TSHZ2: variants seen among roughly 807,000 people sequenced by gnomAD.
TSHZ2 encodes teashirt homolog 2.
In TSHZ2, 21 loss-of-function variants were observed where a neutral mutation model predicts 74.4. The ratio of observed to expected loss-of-function variants is 0.28; its 90% CI spans 0.20 to 0.41. The LOEUF is 0.41. Ranked by LOEUF, TSHZ2 falls within the 10% of genes least tolerant of loss-of-function variation. The pLI, the probability that TSHZ2 is intolerant of heterozygous loss-of-function variation, is 1.00. For synonymous variants in TSHZ2, 540 were observed against 515.3 expected (o/e 1.05, Z -0.65); for missense variants, 1,244 against 1,293.5 (o/e 0.96, Z 0.59).
At chr20:53,208,571 C>T (rs1989228153) in intron 1 of TSHZ2, 1 of 152,096 alleles carries the variant, frequency 6.6e-6, no homozygotes. Context: ...TGACTCCCAA[C>T]ACGTACGGAT....
At chr20:53,127,074 G>T (rs983652794) in intron 1 of TSHZ2, among the ~76,000 whole-genome samples, 5 of 152,162 alleles carry the variant, frequency 3.3e-5, no homozygotes, top group African/African-American at 1.2e-4. Flanking sequence ...AAAGAGAGAA[G>T]AGAGAGCGAA....
intron 1 of TSHZ2, among the ~76,000 whole-genome samples, chr20:53,099,350 T>A (rs1207442982): frequency 6.6e-6 from 1 of 152,194 alleles, no homozygotes. Context: ...CCTGTTGCCA[T>A]TCTCTTGTCT....
At chr20:52,978,431 A>G (rs544955249) in intron 1 of TSHZ2, among the ~76,000 whole-genome samples, 5 of 152,218 alleles carry the variant, frequency 3.3e-5, no homozygotes, top group South Asian at 2.1e-4. Context: ...TATACTATCA[A>G]TTTTATTTGG....
chr20:53,280,122 G>A (rs745486296), intron 2 of TSHZ2, among the ~76,000 whole-genome samples: 3 of 152,054 alleles, frequency 2.0e-5, no homozygotes, highest in Non-Finnish European at 2.9e-5. Flanking sequence ...CTGCTCCTGT[G>A]TGCAGGAATG....
chr20:53,272,171 C>G (rs1990854208), intron 2 of TSHZ2, among the ~76,000 whole-genome samples: 2 of 152,146 alleles, frequency 1.3e-5, no homozygotes, highest in Admixed American at 1.3e-4. Flanking sequence ...ACCACCACAC[C>G]TGGCTAATTT....
At chr20:53,168,026 G>T (rs949263214) in intron 1 of TSHZ2, among the ~76,000 whole-genome samples, 5 of 152,188 alleles carry the variant, frequency 3.3e-5, no homozygotes, top group African/African-American at 1.2e-4. Flanking sequence ...TGGGCAACCT[G>T]ATTTGTTGGA....
chr20:53,197,304 T>C (rs1286118798), intron 1 of TSHZ2, among the ~76,000 whole-genome samples: 1 of 152,210 alleles, frequency 6.6e-6, no homozygotes, highest in Non-Finnish European at 1.5e-5. Context: ...GGAATTATGA[T>C]CTTTTAATTT....
rs75663785 is a variant in TSHZ2, at chr20:53,088,167, G to A, written c.40+114834G>A. Reference sequence around the variant, plus strand: ...TCTTACCTGTTTCCTACTGAACAGAGAGCTTCTTGAGGTCCAGCACTGGGG... The same window carrying A: ...TCTTACCTGTTTCCTACTGAACAGAAAGCTTCTTGAGGTCCAGCACTGGGG... On this transcript the variant is annotated intron_variant, in intron 1 of 2. Transcript: ENST00000371497. Among the ~76,000 whole-genome samples, 1,332 of 152,242 alleles carry A rather than the reference G, an allele frequency of 8.7e-3. 19 individuals carry two copies. The highest frequency in any genetic ancestry group is 0.03 in the African/African-American group (1,254 of 41,538).
chr20:53,088,147 C>G (rs757909789), intron 1 of TSHZ2, among the ~76,000 whole-genome samples: 1 of 152,130 alleles, frequency 6.6e-6, no homozygotes, highest in African/African-American at 2.4e-5. Context: ...TGTTTTCTTA[C>G]CTGTTTCCTA....
At chr20:53,296,833 T>C (rs1001625138) in intron 2 of TSHZ2, among the ~76,000 whole-genome samples, 2 of 152,230 alleles carry the variant, frequency 1.3e-5, no homozygotes, top group African/African-American at 4.8e-5. Context: ...GAGACTGAGA[T>C]GAAACCAAGT....
At chr20:53,001,232 G>GTATA (rs769421283) in intron 1 of TSHZ2, among the ~76,000 whole-genome samples, 1 of 135,286 alleles carries the variant, frequency 7.4e-6, no homozygotes, top group African/African-American at 2.8e-5. Context: ...GTGTGTGTGT[G>GTATA]TGTGTGTGTG....
intron 2 of TSHZ2, among the ~76,000 whole-genome samples, chr20:53,472,229 G>A (rs547765552): frequency 6.6e-6 from 1 of 152,350 alleles, no homozygotes; most frequent in East Asian, 1.9e-4. Context: ...ACAGCCCACT[G>A]AGCGAATGCC....
chr20:53,066,130 G>A (rs1289078129), intron 1 of TSHZ2, among the ~76,000 whole-genome samples: 1 of 152,176 alleles, frequency 6.6e-6, no homozygotes, highest in African/African-American at 2.4e-5. Context: ...GTCATGGTGC[G>A]TGTGGAAGAA....
chr20:52,974,327 GATAT>G (rs1981247508), intron 1 of TSHZ2, among the ~76,000 whole-genome samples: 1 of 151,972 alleles, frequency 6.6e-6, no homozygotes, highest in Non-Finnish European at 1.5e-5. Context: ...ATTCATTCTT[GATAT>G]ATATCAATAA....
chr20:53,070,636 A>G (rs1985140325), intron 1 of TSHZ2, among the ~76,000 whole-genome samples: 2 of 152,176 alleles, frequency 1.3e-5, no homozygotes, highest in Admixed American at 6.5e-5. Context: ...AGGCACATAC[A>G]GTGATGTGTG....
intron 2 of TSHZ2, among the ~76,000 whole-genome samples, chr20:53,301,240 G>A (rs1022188256): frequency 7.9e-5 from 12 of 152,208 alleles, no homozygotes; most frequent in Non-Finnish European, 1.2e-4. Flanking sequence ...TAAAAGGCAT[G>A]AGCCACTGCG....
At chr20:53,290,528 TGGGGAATAAAA>T (rs1466593373) in intron 2 of TSHZ2, among the ~76,000 whole-genome samples, 1 of 152,202 alleles carries the variant, frequency 6.6e-6, no homozygotes, top group East Asian at 1.9e-4. Flanking sequence ...CACTGTTTAT[TGGGGAATAAAA>T]GTATCATTCT....
At chr20:53,261,562 C>CT (rs1990601549) in intron 2 of TSHZ2, among the ~76,000 whole-genome samples, 1 of 152,162 alleles carries the variant, frequency 6.6e-6, no homozygotes, top group Non-Finnish European at 1.5e-5. Context: ...CATCGTCTTC[C>CT]TTAACGTTTG....
intron 2 of TSHZ2, among the ~76,000 whole-genome samples, chr20:53,451,962 C>G (rs1183635097): frequency 6.6e-6 from 1 of 152,190 alleles, no homozygotes; most frequent in East Asian, 1.9e-4. Context: ...GAATCCAAGG[C>G]TAGATAGACT....
Sources: gnomAD v4.1 joint callset for allele counts (sites outside exome capture counted in the v4.1 genomes callset) on GRCh38, gnomAD v4.1.1 for gene constraint, MANE v1.5 for transcripts, NCBI Gene and HGNC (gene_info 2026-07-23, HGNC 2026-07-21) for gene names.